EYS: variants seen among roughly 807,000 people sequenced by gnomAD.
The protein encoded by EYS is protein eyes shut homolog.
Under a neutral mutation model 282.1 loss-of-function variants are expected in EYS, and 250 were observed. The ratio of observed to expected loss-of-function variants is 0.89; its 90% CI spans 0.80 to 0.98. The LOEUF is 0.98. EYS is among the 50% of genes least tolerant of loss of function. The probability of loss-of-function intolerance (pLI) is 0.00; values close to 1 mark genes in which losing one functional copy is unlikely to be tolerated. For missense variants in EYS, 4,016 were observed against 3,709.0 expected, an observed-to-expected ratio of 1.08 and a Z score of -2.15; for synonymous variants, 1,355 against 1,282.9, an observed-to-expected ratio of 1.06 and a Z score of -1.20.
intron 4 of EYS, among the ~76,000 whole-genome samples, chr6:65,493,004 C>T (rs1209472579): frequency 1.3e-5 from 2 of 152,150 alleles, no homozygotes; most frequent in African/African-American, 4.8e-5. Flanking sequence ...ACAAACTCTA[C>T]CTCCTGGTTC....
chr6:65,412,413 G>T (rs899129226), intron 5 of EYS, among the ~76,000 whole-genome samples: 2 of 152,092 alleles, frequency 1.3e-5, no homozygotes, highest in Non-Finnish European at 2.9e-5. Context: ...CTGTCAAATT[G>T]TTTTCCAAAG....
intron 29 of EYS, among the ~76,000 whole-genome samples, chr6:64,329,187 C>G (rs1463706019): frequency 6.6e-6 from 1 of 152,122 alleles, no homozygotes; most frequent in Non-Finnish European, 1.5e-5. Flanking sequence ...GGTAGTAAAT[C>G]AAGCAATTTG....
At chr6:65,027,067 T>G (rs1772442793) in intron 13 of EYS, among the ~76,000 whole-genome samples, 1 of 151,950 alleles carries the variant, frequency 6.6e-6, no homozygotes, top group African/African-American at 2.4e-5. Flanking sequence ...ATTTATAATT[T>G]ATTTACTTAC....
chr6:65,348,390 G>A (rs1455177984), intron 9 of EYS, among the ~76,000 whole-genome samples: 7 of 151,490 alleles, frequency 4.6e-5, no homozygotes, highest in African/African-American at 1.7e-4. Flanking sequence ...ATTCCTGCTA[G>A]CATTTGTTAT....
intron 12 of EYS, among the ~76,000 whole-genome samples, chr6:65,164,317 T>C (rs1764918087): frequency 6.6e-6 from 1 of 151,322 alleles, no homozygotes; most frequent in Non-Finnish European, 1.5e-5. Flanking sequence ...AATGTGTTGT[T>C]CCGGCCTTCT....
At chr6:64,323,007 CTA>C (rs1770273776) in intron 29 of EYS, among the ~76,000 whole-genome samples, 1 of 152,082 alleles carries the variant, frequency 6.6e-6, no homozygotes, top group African/African-American at 2.4e-5. Flanking sequence ...TATCTGTATA[CTA>C]ATTTCCCATG....
Position 65,490,507 on chromosome 6 carries a change from A to G in EYS, c.862+87T>C, listed in dbSNP as rs4710522. The G allele has an allele frequency of 0.12, 97,055 of 790,814 alleles. 6,832 individuals carry two copies. The highest frequency in any genetic ancestry group is 0.19 in the South Asian group (12,631 of 65,206). 49.0% of individuals were successfully genotyped at this position (790,814 alleles called of 1,614,324 possible). A position where few individuals can be genotyped will look rare whatever the true frequency, so the allele number is the denominator to read the frequency against. On this transcript the variant is annotated intron_variant, in intron 5 of 42. Coordinates refer to ENST00000503581, the MANE Select transcript of EYS (RefSeq NM_001142800.2). ...TTCTGAAATTGTATTTTTCAATAAT[A>G]AAGGAAATATTTCACATTTAATTTG...
intron 37 of EYS, among the ~76,000 whole-genome samples, chr6:63,803,249 G>A (rs1402528138): frequency 6.6e-6 from 1 of 150,762 alleles, no homozygotes; most frequent in Non-Finnish European, 1.5e-5. Flanking sequence ...TCATTTGCCA[G>A]GCTTTTTTTT....
chr6:64,088,547 TA>T (rs955029116), intron 31 of EYS, among the ~76,000 whole-genome samples: 7 of 151,806 alleles, frequency 4.6e-5, no homozygotes, highest in African/African-American at 9.7e-5. Context: ...TAAATTATAT[TA>T]AAAAAAATCT....
At chr6:64,857,304 T>C (rs1766093813) in intron 19 of EYS, among the ~76,000 whole-genome samples, 1 of 152,178 alleles carries the variant, frequency 6.6e-6, no homozygotes, top group Non-Finnish European at 1.5e-5. Context: ...CAACCTCTGG[T>C]AACCACTATG....
chr6:64,021,444 C>T (rs1769187451), intron 33 of EYS, among the ~76,000 whole-genome samples: 1 of 151,708 alleles, frequency 6.6e-6, no homozygotes, highest in South Asian at 2.1e-4. Context: ...GGCAAACTTC[C>T]TACAATGCAC....
chr6:65,694,947 C>T (rs1263047428), intron 1 of EYS, among the ~76,000 whole-genome samples: 4 of 151,486 alleles, frequency 2.6e-5, no homozygotes, highest in Non-Finnish European at 5.9e-5. Context: ...GAGAAAATTC[C>T]TTAATCTCCC....
intron 28 of EYS, among the ~76,000 whole-genome samples, chr6:64,425,941 T>C (rs1159332353): frequency 6.6e-6 from 1 of 151,914 alleles, no homozygotes; most frequent in African/African-American, 2.4e-5. Context: ...AATTGTATTT[T>C]GGATATGTTA....
At chr6:65,104,516 T>C (rs1333606445) in intron 12 of EYS, among the ~76,000 whole-genome samples, 1 of 150,918 alleles carries the variant, frequency 6.6e-6, no homozygotes, top group Non-Finnish European at 1.5e-5. Flanking sequence ...TTTTAAAATG[T>C]AAGAATTTTT....
chr6:64,687,868 G>A (rs1300932974), intron 22 of EYS, among the ~76,000 whole-genome samples: 1 of 152,002 alleles, frequency 6.6e-6, no homozygotes, highest in Admixed American at 6.6e-5. Context: ...TTTTTGGTTG[G>A]TAGGCTCTTA....
intron 35 of EYS, among the ~76,000 whole-genome samples, chr6:63,963,720 T>A (rs917862399): frequency 3.9e-5 from 6 of 152,230 alleles, no homozygotes; most frequent in Non-Finnish European, 7.3e-5. Flanking sequence ...GGAAGAAACT[T>A]TTATGAGAAG....
rs1295034102 is a variant in EYS, at chr6:63,721,138, T to C, written c.8893A>G (p.Ile2965Val). The C allele has an allele frequency of 1.3e-5, 20 of 1,551,408 alleles. No individual in the cohort carries two copies. The Admixed American group carries it at 3.7e-4, about 29-fold the overall frequency. The change falls in exon 43 of 43, where the codon ATT becomes GTT. Residue 2965 changes from isoleucine (I) to valine (V), a missense_variant. Transcript: ENST00000503581. ...CTATAATTTGGATCAATGTATTTAA[T>C]GTAAGAATTACCCATAAATTTTGCA... ...STAKFMGNSYIKYIDPNYRMR... is the reference protein window; with the variant it reads ...STAKFMGNSYVKYIDPNYRMR...
chr6:64,607,938 T>G (rs1191369585), intron 24 of EYS, among the ~76,000 whole-genome samples: 1 of 152,146 alleles, frequency 6.6e-6, no homozygotes, highest in East Asian at 1.9e-4. Context: ...CACAAAATTG[T>G]TTTAATCATT....
Position 64,467,191 on chromosome 6 carries a change from T to A in EYS, c.5645-27839A>T, listed in dbSNP as rs567701665. On this transcript the variant is annotated intron_variant, in intron 26 of 42. Coordinates refer to ENST00000503581, the MANE Select transcript of EYS (RefSeq NM_001142800.2). ...AGTATTCAGGGAATGCTGATATTTA[T>A]TAGTATTCAGAGAATGTAATTACTC... is the stretch of plus-strand genomic sequence containing the variant. Among the ~76,000 whole-genome samples the A allele has an allele frequency of 2.6e-5, 4 of 152,278 alleles. No homozygotes were observed. In the South Asian group the frequency reaches 8.3e-4, roughly 32 times the overall value.
Sources: gnomAD v4.1 joint callset for allele counts (sites outside exome capture counted in the v4.1 genomes callset) on GRCh38, gnomAD v4.1.1 for gene constraint, MANE v1.5 for transcripts, NCBI Gene and HGNC (gene_info 2026-07-23, HGNC 2026-07-21) for gene names.